Variants in CAMKMT observed in about 807,000 individuals in gnomAD.
CAMKMT encodes the protein CaM KMT.
A neutral mutation model predicts 48.0 loss-of-function variants in CAMKMT; 53 were observed. The ratio of observed to expected loss-of-function variants is 1.10; its 90% CI spans 0.89 to 1.39. CAMKMT has a LOEUF of 1.39. Ranked by LOEUF, CAMKMT falls within the 40% of genes most tolerant of loss-of-function variation. The pLI is 0.00. For missense variants in CAMKMT, 428 were observed against 402.7 expected (o/e 1.06, Z -0.54); for synonymous variants, 165 against 152.3 (o/e 1.08, Z -0.61).
At chr2:44,697,156 G>A (rs751570703) in intron 3 of CAMKMT, among the ~76,000 whole-genome samples, 1 of 152,138 alleles carries the variant, frequency 6.6e-6, no homozygotes, top group Non-Finnish European at 1.5e-5. Flanking sequence ...AAGAACTGAA[G>A]AACATGGAGT....
intron 1 of CAMKMT, chr2:44,369,848 G>T (rs1678979077): frequency 6.6e-6 from 1 of 152,176 alleles, no homozygotes; most frequent in African/African-American, 2.4e-5. Context: ...ATTCTAAGCA[G>T]CACAAGTTGG....
chr2:44,664,231 C>A lies in CAMKMT; in HGVS notation c.377-40052C>A, dbSNP rs113966717. Among the ~76,000 whole-genome samples, 59 of 152,284 alleles carry A rather than the reference C, an allele frequency of 3.9e-4. No individual in the cohort carries two copies. The Middle Eastern group carries it at 0.01, about 26-fold the overall frequency. On this transcript the variant is annotated intron_variant, in intron 3 of 10. Transcript: ENST00000378494. ...AAGTAAACTTGGATAAAATATGTAG[C>A]CTCTCTAAGACTATACTTTTATGAT...
At position 44,618,133 on chromosome 2, in the gene CAMKMT, G is replaced by A. The variant is rs1209865896; in HGVS notation, c.377-86150G>A. On this transcript the variant is annotated intron_variant, in intron 3 of 10. Coordinates refer to ENST00000378494, the MANE Select transcript of CAMKMT (RefSeq NM_024766.5). The surrounding 1 kb of genome is among the most constrained non-coding windows in gnomAD (Gnocchi z 4.0). ...ATGTTCTCTGCTTCAAGCAGCAGGT[G>A]TGTTTTTAATCTTTAATAGGTCACC... 1.3e-5 allele frequency among the ~76,000 whole-genome samples: 2 copies of A among 152,300 alleles called. No homozygotes were observed. The highest frequency in any genetic ancestry group is 3.9e-4 in the East Asian group (2 of 5,182).
intron 3 of CAMKMT, among the ~76,000 whole-genome samples, chr2:44,528,838 A>G (rs1356263421): frequency 1.3e-5 from 2 of 152,080 alleles, no homozygotes; most frequent in Non-Finnish European, 2.9e-5. Flanking sequence ...AGGTTACTTA[A>G]GAAGTTTGAT....
At chr2:44,673,520 AG>A (rs1553435806) in intron 3 of CAMKMT, among the ~76,000 whole-genome samples, 2 of 88,068 alleles carry the variant, frequency 2.3e-5, no homozygotes, top group African/African-American at 9.0e-5. Flanking sequence ...GAAGGAAGGA[AG>A]GAGGGAAGGA....
chr2:44,384,665 G>T (rs926982880), intron 2 of CAMKMT, among the ~76,000 whole-genome samples: 1 of 151,896 alleles, frequency 6.6e-6, no homozygotes, highest in African/African-American at 2.4e-5. Flanking sequence ...TTTTTATAAG[G>T]TGATATGAGT....
At chr2:44,440,148 T>TA (rs1666558145) in intron 3 of CAMKMT, among the ~76,000 whole-genome samples, 1 of 152,170 alleles carries the variant, frequency 6.6e-6, no homozygotes, top group Non-Finnish European at 1.5e-5. Flanking sequence ...ACAGGTCTTA[T>TA]AAAAATGTAC....
intron 3 of CAMKMT, among the ~76,000 whole-genome samples, chr2:44,596,397 T>C (rs1486530606): frequency 6.6e-6 from 1 of 151,090 alleles, no homozygotes. Flanking sequence ...TGCAATGAAC[T>C]AAACATGTGC....
chr2:44,756,964 G>A (rs1378963811), intron 9 of CAMKMT, among the ~76,000 whole-genome samples: 1 of 152,122 alleles, frequency 6.6e-6, no homozygotes, highest in Non-Finnish European at 1.5e-5. Flanking sequence ...AGAAAAATCT[G>A]CATACAAACC....
chr2:44,601,716 T>C (rs1327595128), intron 3 of CAMKMT, among the ~76,000 whole-genome samples: 1 of 151,978 alleles, frequency 6.6e-6, no homozygotes, highest in Admixed American at 6.5e-5. Context: ...TCTAAGACAT[T>C]GAATACCTTT....
intron 8 of CAMKMT, among the ~76,000 whole-genome samples, chr2:44,745,166 C>T (rs1679865831): frequency 1.3e-5 from 2 of 152,154 alleles, no homozygotes; most frequent in South Asian, 4.1e-4. Context: ...GAAGGGGCAG[C>T]ATCTTCCTGA....
intron 3 of CAMKMT, among the ~76,000 whole-genome samples, chr2:44,541,019 C>G (rs1667077919): frequency 6.6e-6 from 1 of 152,124 alleles, no homozygotes; most frequent in Non-Finnish European, 1.5e-5. Flanking sequence ...ATACTAATTT[C>G]TATATGTACA....
chr2:44,681,303 A>T (rs571783496), intron 3 of CAMKMT, among the ~76,000 whole-genome samples: 9 of 152,256 alleles, frequency 5.9e-5, no homozygotes, highest in Non-Finnish European at 1.0e-4. Flanking sequence ...CCTTGTTTTA[A>T]GTCTGCTCAC....
In CAMKMT at chr2:44,501,932, C is replaced by G. The variant is rs138194779; in HGVS notation, c.376+111627C>G. 5.3e-5 allele frequency among the ~76,000 whole-genome samples: 8 copies of G among 152,200 alleles called. No individual in the cohort carries two copies. The East Asian group carries it at 1.5e-3, about 29-fold the overall frequency. ...ATACAACAAAAACAAAAAAGCAAAA[C>G]AACAAAAAGAGAAAATGTAAAGGCT... On this transcript the variant is annotated intron_variant, in intron 3 of 10. Coordinates refer to ENST00000378494, the MANE Select transcript of CAMKMT (RefSeq NM_024766.5).
At chr2:44,440,018 C>T (rs920309410) in intron 3 of CAMKMT, among the ~76,000 whole-genome samples, 21 of 152,216 alleles carry the variant, frequency 1.4e-4, no homozygotes, top group African/African-American at 4.6e-4. Flanking sequence ...TCTGACAGTG[C>T]CTCCATCTCA....
intron 3 of CAMKMT, chr2:44,393,479 A>G (rs1016047544): frequency 7.9e-5 from 12 of 152,156 alleles, no homozygotes; most frequent in South Asian, 2.1e-4. Context: ...TATATTTACT[A>G]TGGTGGAAAA....
intron 3 of CAMKMT, among the ~76,000 whole-genome samples, chr2:44,423,097 T>C (rs943287125): frequency 6.6e-5 from 10 of 152,198 alleles, no homozygotes; most frequent in Non-Finnish European, 1.3e-4. Flanking sequence ...GTTCTACTGA[T>C]CATCCTGGTT....
intron 3 of CAMKMT, among the ~76,000 whole-genome samples, chr2:44,442,204 T>C (rs763766242): frequency 6.6e-6 from 1 of 152,154 alleles, no homozygotes; most frequent in Non-Finnish European, 1.5e-5. Context: ...AAGAGAAGTA[T>C]GTATGACTCA....
chr2:44,405,009 A>T (rs533288299), intron 3 of CAMKMT, among the ~76,000 whole-genome samples: 1 of 152,144 alleles, frequency 6.6e-6, no homozygotes, highest in Non-Finnish European at 1.5e-5. Flanking sequence ...CGTTGTGTTT[A>T]AATTTCTTAG....
Sources: allele counts gnomAD v4.1 joint callset (sites outside exome capture counted in the v4.1 genomes callset), GRCh38; gene constraint gnomAD v4.1.1; non-coding constraint Gnocchi (gnomAD v3.1); transcripts MANE v1.5; gene names NCBI Gene and HGNC (gene_info 2026-07-23, HGNC 2026-07-21).